SSUH2: variants seen among roughly 807,000 people sequenced by gnomAD.
The protein encoded by SSUH2 is protein SSUH2 homolog.
A neutral mutation model predicts 55.3 loss-of-function variants in SSUH2; 47 were observed. The ratio of observed to expected loss-of-function variants is 0.85; its 90% CI spans 0.67 to 1.08. The LOEUF is 1.08. Among genes scored for constraint, SSUH2 ranks in the 50% least tolerant of loss-of-function variants. The probability of loss-of-function intolerance (pLI) is 0.00; values close to 1 mark genes in which losing one functional copy is unlikely to be tolerated. For synonymous variants in SSUH2, 212 were observed against 191.5 expected (o/e 1.11, Z -0.89); for missense variants, 535 against 490.7 (o/e 1.09, Z -0.85).
intron 2 of SSUH2, 47 bp from the exon 3 acceptor site, chr3:8,635,428 C>A: frequency 7.4e-7 from 1 of 1,348,558 alleles, no homozygotes; most frequent in South Asian, 1.3e-5. Context: ...GCCAAAGGAA[C>A]AAATATTTGT....
chr3:8,634,135 T>C (rs1401167758), intron 3 of SSUH2: 7 of 683,386 alleles, frequency 1.0e-5, no homozygotes, highest in African/African-American at 1.8e-5. Context: ...CCAGAGAGGA[T>C]GTCGCACAGT....
intron 3 of SSUH2, among the ~76,000 whole-genome samples, chr3:8,673,536 A>C (rs1255315322): frequency 6.6e-6 from 1 of 152,260 alleles, no homozygotes; most frequent in Admixed American, 6.5e-5. Context: ...CTACAGCGAA[A>C]AGCCGCAAGC....
intron 6 of SSUH2, among the ~76,000 whole-genome samples, chr3:8,661,528 C>T (rs571078889): frequency 1.3e-5 from 2 of 152,198 alleles, no homozygotes; most frequent in African/African-American, 2.4e-5. Flanking sequence ...ACCCTACCTG[C>T]AAGCCAACAA....
intron 6 of SSUH2, among the ~76,000 whole-genome samples, chr3:8,662,362 T>C (rs1421828003): frequency 3.9e-5 from 6 of 152,196 alleles, no homozygotes; most frequent in East Asian, 1.9e-4. Flanking sequence ...ACGTCAGTAC[T>C]GAGTGTCCAG....
chr3:8,623,817 G>A (rs1462242752), intron 10 of SSUH2, among the ~76,000 whole-genome samples, 161 bp from the exon 11 acceptor site: 2 of 152,114 alleles, frequency 1.3e-5, no homozygotes, highest in Non-Finnish European at 1.5e-5. Flanking sequence ...GGAAAACAGG[G>A]GGCCTGCAGT....
Position 8,626,395 on chromosome 3 carries a change from C to A in SSUH2, c.675-74G>T, listed in dbSNP as rs562087348. 13 of 1,067,210 alleles carry A rather than the reference C, an allele frequency of 1.2e-5. No homozygotes were observed. The Admixed American group carries it at 2.1e-4, about 17-fold the overall frequency. 66.1% of individuals were successfully genotyped at this position (1,067,210 alleles called of 1,614,324 possible). ...TGGCTTCCAGAGGCTCCCACCTGCA[C>A]CCCCTTCCTCCTGGAGGTAGACTGT... On this transcript the variant is annotated intron_variant, in intron 8 of 11. Coordinates refer to ENST00000544814, the MANE Select transcript of SSUH2 (RefSeq NM_001256748.3).
intron 2 of SSUH2, among the ~76,000 whole-genome samples, chr3:8,678,465 T>A (rs1301093155): frequency 6.7e-6 from 1 of 149,636 alleles, no homozygotes; most frequent in Admixed American, 6.7e-5. Flanking sequence ...TATCCCCCCC[T>A]GGCTCTTAGG....
upstream of SSUH2, among the ~76,000 whole-genome samples, chr3:8,647,315 C>T (rs551974885): frequency 4.5e-4 from 68 of 152,336 alleles, no homozygotes; most frequent in African/African-American, 1.6e-3. Context: ...AGGTCATTTT[C>T]GGCTGAACAA....
chr3:8,681,122 AG>A (rs1372833812), intron 1 of SSUH2, among the ~76,000 whole-genome samples: 2 of 94,244 alleles, frequency 2.1e-5, no homozygotes, highest in Non-Finnish European at 4.9e-5. Flanking sequence ...TCTGAGAGCC[AG>A]CCCCTCTTCC....
intron 5 of SSUH2, among the ~76,000 whole-genome samples, chr3:8,667,007 A>G (rs1057349185): frequency 2.6e-5 from 4 of 152,166 alleles, no homozygotes; most frequent in Admixed American, 6.5e-5. Flanking sequence ...CCAAAATTGG[A>G]GTTCAGGCTG....
At chr3:8,674,535 C>A (rs1705008770) in intron 3 of SSUH2, among the ~76,000 whole-genome samples, 1 of 152,078 alleles carries the variant, frequency 6.6e-6, no homozygotes, top group South Asian at 2.1e-4. Flanking sequence ...CCCGGTCACC[C>A]CCTTATCCAA....
intron 3 of SSUH2, among the ~76,000 whole-genome samples, chr3:8,675,298 A>G: frequency 6.6e-6 from 1 of 152,166 alleles, no homozygotes; most frequent in Non-Finnish European, 1.5e-5. Flanking sequence ...TACTCAGTAC[A>G]CTTGGACCGG....
At chr3:8,621,947 C>T (rs943661984) in intron 11 of SSUH2, among the ~76,000 whole-genome samples, 2 of 151,908 alleles carry the variant, frequency 1.3e-5, no homozygotes, top group African/African-American at 4.8e-5. Flanking sequence ...CGCAATCCCC[C>T]TGCCTCTATC....
At chr3:8,626,546 C>T (rs1330424912) in intron 8 of SSUH2, among the ~76,000 whole-genome samples, 11 of 143,212 alleles carry the variant, frequency 7.7e-5, no homozygotes, top group East Asian at 2.1e-4. Context: ...TGCCCCCCCC[C>T]CTCCCCCACC....
chr3:8,653,889 C>G (rs941038628), intron 7 of SSUH2, among the ~76,000 whole-genome samples: 1 of 152,174 alleles, frequency 6.6e-6, no homozygotes, highest in Non-Finnish European at 1.5e-5. Context: ...CTCTCTACCT[C>G]CCGACCCTTC....
intron 6 of SSUH2, among the ~76,000 whole-genome samples, chr3:8,663,018 G>A (rs544013261): frequency 2.6e-4 from 40 of 152,284 alleles, no homozygotes; most frequent in African/African-American, 3.4e-4. Flanking sequence ...GGCATCTCCC[G>A]GATCAAATCA....
intron 1 of SSUH2, among the ~76,000 whole-genome samples, chr3:8,638,583 A>G (rs1700315535): frequency 6.6e-6 from 1 of 152,154 alleles, no homozygotes; most frequent in African/African-American, 2.4e-5. Context: ...ATGTGACACC[A>G]TGTAAGCCAC....
chr3:8,634,816 G>A lies in SSUH2; in HGVS notation c.209+484C>T, dbSNP rs147368251. Among the ~76,000 whole-genome samples, 442 of 152,292 alleles carry A rather than the reference G, an allele frequency of 2.9e-3. 1 individual carries two copies. Among genetic ancestry groups the A allele is most frequent in the Non-Finnish European group, 3.7e-3 (253 of 68,010 alleles). On this transcript the variant is annotated intron_variant, in intron 3 of 11. Coordinates refer to ENST00000544814, the MANE Select transcript of SSUH2 (RefSeq NM_001256748.3). ...AAAGCTGGCTGGAAACCCTGAGCTC[G>A]GCCCTGAGTCCTCTCAAAACAAGGT...
intron 7 of SSUH2, among the ~76,000 whole-genome samples, chr3:8,656,851 C>A (rs1044482128): frequency 2.1e-5 from 3 of 145,530 alleles, no homozygotes; most frequent in African/African-American, 7.6e-5. Context: ...TACCACTCTG[C>A]TTCATTTTTT....
Sources: gnomAD v4.1 joint callset for allele counts (sites outside exome capture counted in the v4.1 genomes callset) on GRCh38, gnomAD v4.1.1 for gene constraint, MANE v1.5 for transcripts, NCBI Gene and HGNC (gene_info 2026-07-23, HGNC 2026-07-21) for gene names.